The following ADAM12 variants were observed in gnomAD, a reference collection of about 807,000 sequenced individuals.
ADAM12 encodes the protein ADAM metallopeptidase domain 12.
A neutral mutation model predicts 106.4 loss-of-function variants in ADAM12; 70 were observed. That is an observed-to-expected ratio of 0.66 (90% CI 0.54 to 0.80). The LOEUF (loss-of-function observed/expected upper bound fraction) is 0.80. Among genes scored for constraint, ADAM12 ranks in the 30% least tolerant of loss-of-function variants. The pLI, the probability that ADAM12 is intolerant of heterozygous loss-of-function variation, is 0.00. For missense variants in ADAM12, 1,010 were observed against 1,171.9 expected, an observed-to-expected ratio of 0.86 and a Z score of 2.02; for synonymous variants, 420 against 433.5, an observed-to-expected ratio of 0.97 and a Z score of 0.39.
In ADAM12 at chr10:126,377,602, A is replaced by G. The variant is rs139704527; in HGVS notation, c.88+10456T>C. On this transcript the variant is annotated intron_variant, in intron 1 of 22. Transcript: ENST00000448723. ...CTCCTTTGGCAACACCCTCACAGAT[A>G]CACCCAGGATCAATACTTTGCATCC... is the stretch of plus-strand genomic sequence containing the variant. Among the ~76,000 whole-genome samples the G allele has an allele frequency of 2.9e-3, 449 of 152,276 alleles. 5 individuals are homozygous for G. Among genetic ancestry groups the G allele is most frequent in the African/African-American group, 1.0e-2 (415 of 41,564 alleles).
At chr10:126,352,220 C>T (rs1469665670) in intron 1 of ADAM12, among the ~76,000 whole-genome samples, 1 of 152,214 alleles carries the variant, frequency 6.6e-6, no homozygotes, top group Non-Finnish European at 1.5e-5. Flanking sequence ...GGCTCTCTGC[C>T]CTTTTTCACA....
At chr10:126,023,908 GA>G (rs5788761) in intron 21 of ADAM12, among the ~76,000 whole-genome samples, 1,932 of 140,638 alleles carry the variant, frequency 0.014, 41 homozygotes, top group African/African-American at 0.044. Context: ...TGAACTCATG[GA>G]AAAAAAAAAA....
chr10:126,049,988 GTGGCTGGCTGGC>G lies in ADAM12; in HGVS notation c.1610-331_1610-320del, dbSNP rs60411537. Among the ~76,000 whole-genome samples, 6,184 of 149,894 alleles carry G rather than the reference GTGGCTGGCTGGC, an allele frequency of 0.041. 421 individuals are homozygous for G. Among genetic ancestry groups the G allele is most frequent in the African/African-American group, 0.14 (5,831 of 40,826 alleles). ...AGATCTGATCCAGGGCAGAAAGGAG[GTGGCTGGCTGGC>G]TGGCTGGCTGGCTGGCTGGCTGGCT... is the stretch of plus-strand genomic sequence containing the variant. On this transcript the variant is annotated intron_variant, in intron 14 of 22. Coordinates refer to ENST00000448723, the MANE Select transcript of ADAM12 (RefSeq NM_001288973.2). The surrounding 1 kb of genome is among the most constrained non-coding windows in gnomAD (Gnocchi z 4.4).
intron 3 of ADAM12, among the ~76,000 whole-genome samples, chr10:126,241,311 C>T (rs1043128787): frequency 6.6e-6 from 1 of 152,168 alleles, no homozygotes; most frequent in African/African-American, 2.4e-5. Flanking sequence ...GTGGTGACAG[C>T]TGTACAACAT....
chr10:126,104,449 A>T (rs1227404201), intron 8 of ADAM12, among the ~76,000 whole-genome samples: 1 of 134,908 alleles, frequency 7.4e-6, no homozygotes, highest in South Asian at 2.4e-4. Flanking sequence ...GACTCTGTCT[A>T]AAAAAAAAAA....
At position 126,206,854 on chromosome 10, in the gene ADAM12, T is replaced by TGGG. The variant is rs145374984; in HGVS notation, c.261-51552_261-51550dup. ...TAGCTCCCTGAATTCCCATGTGTTG[T>TGGG]GGGGGCGGGGGGGAGCCAGTGGGAG... is the stretch of plus-strand genomic sequence containing the variant. On this transcript the variant is annotated intron_variant, in intron 3 of 22. Coordinates refer to ENST00000448723, the MANE Select transcript of ADAM12 (RefSeq NM_001288973.2). 9.4e-4 allele frequency among the ~76,000 whole-genome samples: 77 copies of TGGG among 81,656 alleles called. 1 individual carries two copies. Among genetic ancestry groups the TGGG allele is most frequent in the African/African-American group, 1.9e-3 (45 of 24,158 alleles). 53.6% of individuals were successfully genotyped at this position (81,656 alleles called of 152,430 possible). A position where few individuals can be genotyped will look rare whatever the true frequency, so the allele number is the denominator to read the frequency against.
chr10:126,307,550 T>TTTTC (rs1565204014), intron 2 of ADAM12, among the ~76,000 whole-genome samples: 37 of 151,928 alleles, frequency 2.4e-4, no homozygotes, highest in Middle Eastern at 3.4e-3. Context: ...CTTTTCTTTT[T>TTTTC]TTTGAAACAG....
intron 3 of ADAM12, among the ~76,000 whole-genome samples, chr10:126,174,998 C>T (rs1451307558): frequency 4.6e-5 from 7 of 152,098 alleles, no homozygotes; most frequent in African/African-American, 1.4e-4. Context: ...CCTCGTGATC[C>T]GTCCACCTCG....
chr10:126,190,724 C>A (rs1271903424), intron 3 of ADAM12, among the ~76,000 whole-genome samples: 1 of 152,118 alleles, frequency 6.6e-6, no homozygotes, highest in Non-Finnish European at 1.5e-5. Context: ...GAGGAACAGA[C>A]CTCTTTGAAG....
At chr10:126,310,895 T>C (rs1961054798) in intron 2 of ADAM12, among the ~76,000 whole-genome samples, 2 of 152,116 alleles carry the variant, frequency 1.3e-5, no homozygotes, top group African/African-American at 2.4e-5. Flanking sequence ...ACATTTTTGT[T>C]AAGCATTTAT....
At chr10:126,162,548 G>C (rs891333226) in intron 3 of ADAM12, among the ~76,000 whole-genome samples, 1 of 152,082 alleles carries the variant, frequency 6.6e-6, no homozygotes, top group African/African-American at 2.4e-5. Flanking sequence ...CGCCAAACAC[G>C]GAAGGGACCT....
chr10:126,332,071 C>A (rs141457216), intron 1 of ADAM12, among the ~76,000 whole-genome samples: 199 of 152,272 alleles, frequency 1.3e-3, no homozygotes, highest in African/African-American at 4.4e-3. Context: ...GAAGACGCAC[C>A]CTGCAGCAGC....
intron 18 of ADAM12, chr10:126,042,073 G>A: frequency 1.9e-6 from 3 of 1,587,012 alleles, no homozygotes; most frequent in Non-Finnish European, 2.6e-6. Context: ...AGGAGGCCTT[G>A]GGGACGCGTG....
intron 3 of ADAM12, among the ~76,000 whole-genome samples, chr10:126,261,036 C>T (rs1958991209): frequency 6.6e-6 from 1 of 152,060 alleles, no homozygotes. Flanking sequence ...ATTTACATAG[C>T]ATTTACATTG....
At chr10:126,189,981 A>G (rs6597742) in intron 3 of ADAM12, among the ~76,000 whole-genome samples, 42,193 of 151,850 alleles carry the variant, frequency 0.28, 7,817 homozygotes, top group East Asian at 0.52. Context: ...CTCTTTTCAG[A>G]AGATGGTCAC....
chr10:126,152,563 T>G (rs571609201), intron 4 of ADAM12, among the ~76,000 whole-genome samples: 41 of 152,078 alleles, frequency 2.7e-4, no homozygotes, highest in African/African-American at 8.7e-4. Context: ...AGCAGCTTTT[T>G]TTTTGTTTTG....
intron 2 of ADAM12, among the ~76,000 whole-genome samples, chr10:126,314,541 A>C (rs778015558): frequency 2.0e-5 from 3 of 152,230 alleles, no homozygotes; most frequent in Non-Finnish European, 4.4e-5. Context: ...GACACACTCA[A>C]ATCAATCAAG....
At chr10:126,293,042 T>C (rs908317418) in intron 2 of ADAM12, among the ~76,000 whole-genome samples, 37 of 152,318 alleles carry the variant, frequency 2.4e-4, no homozygotes, top group Middle Eastern at 3.4e-3. Context: ...GGGGACCACA[T>C]TGCAGAACCA....
At chr10:126,075,688 G>C (rs1347315159) in intron 11 of ADAM12, among the ~76,000 whole-genome samples, 2 of 152,214 alleles carry the variant, frequency 1.3e-5, no homozygotes, top group Non-Finnish European at 2.9e-5. Flanking sequence ...CCTCGGGAAA[G>C]AGCTGGTACA....
Sources: allele counts gnomAD v4.1 joint callset (sites outside exome capture counted in the v4.1 genomes callset), GRCh38; gene constraint gnomAD v4.1.1; non-coding constraint Gnocchi (gnomAD v3.1); transcripts MANE v1.5; gene names NCBI Gene and HGNC (gene_info 2026-07-23, HGNC 2026-07-21).